The following PICALM variants were observed in gnomAD, a reference collection of about 807,000 sequenced individuals.
The protein encoded by PICALM is phosphatidylinositol-binding clathrin assembly protein.
A neutral mutation model predicts 80.5 loss-of-function variants in PICALM; 40 were observed. The ratio of observed to expected loss-of-function variants is 0.50; its 90% CI spans 0.39 to 0.65. The LOEUF is 0.65. PICALM is among the 30% of genes least tolerant of loss of function. The probability of loss-of-function intolerance (pLI) is 0.00; values close to 1 mark genes in which losing one functional copy is unlikely to be tolerated. For missense variants in PICALM, 676 were observed against 778.9 expected, an observed-to-expected ratio of 0.87 and a Z score of 1.57; for synonymous variants, 288 against 260.3, an observed-to-expected ratio of 1.11 and a Z score of -1.02.
In PICALM at chr11:85,990,382, C is replaced by T; in HGVS notation, c.1276G>A (p.Val426Ile). The T allele has an allele frequency of 2.5e-6, 4 of 1,605,518 alleles. No homozygotes were observed. Among genetic ancestry groups the T allele is most frequent in the Non-Finnish European group, 2.6e-6 (3 of 1,173,534 alleles). ...STWGDPFSAT[V>I]DAVDDAIPSL... ...GGAATGGCATCATCAACAGCATCTA[C>T]AGTAGCAGAGAAAGGATCTGTGCAG... Residue 426 changes from valine to isoleucine, a missense_variant, in exon 13 of 20, where the codon GTA (valine) becomes ATA (isoleucine). Physicochemically the swap from Val to Ile is conservative, Grantham distance 29. This residue lies in a region of PICALM where 391 missense variants were observed against 383.6 expected (regional missense o/e 1.02). Coordinates refer to ENST00000393346, the MANE Select transcript of PICALM (RefSeq NM_007166.4).
chr11:85,988,922 G>A (rs991723153), intron 13 of PICALM, among the ~76,000 whole-genome samples: 7 of 152,188 alleles, frequency 4.6e-5, no homozygotes, highest in African/African-American at 1.4e-4. Flanking sequence ...CAACACTATC[G>A]TGTCCTCTAA....
In PICALM at chr11:85,970,702, G is replaced by T. The variant is rs189110600; in HGVS notation, c.1944+4006C>A. Among the ~76,000 whole-genome samples the T allele has an allele frequency of 9.9e-5, 15 of 152,266 alleles. No individual in the cohort carries two copies. In the East Asian group the frequency reaches 2.3e-3, roughly 24 times the overall value. On this transcript the variant is annotated intron_variant, in intron 19 of 19. Transcript: ENST00000393346. The stretch of plus-strand genomic sequence containing the variant: ...GTGTGCCTGTAATCCCAGCTGCCGG[G>T]GAGGCTGAGGCAGGAGGTTTAACAC...
intron 19 of PICALM, among the ~76,000 whole-genome samples, chr11:85,961,000 C>A (rs945699122): frequency 7.4e-6 from 1 of 135,372 alleles, no homozygotes; most frequent in Non-Finnish European, 1.5e-5. Flanking sequence ...CAAACTCGTG[C>A]TTCTGAAGTT....
At chr11:85,994,699 T>G (rs2094901490) in intron 12 of PICALM, among the ~76,000 whole-genome samples, 3 of 152,252 alleles carry the variant, frequency 2.0e-5, no homozygotes, top group Admixed American at 1.3e-4. Context: ...TGTTATGATC[T>G]AAGCTTCTCA....
intron 18 of PICALM, 50 bp from the exon 19 acceptor site, chr11:85,974,862 G>C: frequency 8.2e-7 from 1 of 1,222,914 alleles, no homozygotes. Flanking sequence ...CTTCCTTATT[G>C]TGACTAAGTA....
At position 85,982,007 on chromosome 11, in the gene PICALM, A is replaced by G. The variant is rs763345570; in HGVS notation, c.1517-4T>C. On this transcript the variant is annotated splice_region_variant and splice_polypyrimidine_tract_variant and intron_variant, in intron 14 of 19. Coordinates refer to ENST00000393346, the MANE Select transcript of PICALM (RefSeq NM_007166.4). ...AGTCCACCTAGTTCATCAAAGCCTT[A>G]AAGTTACAAACAGACGAAATAGAAT... The G allele has an allele frequency of 6.2e-7, 1 of 1,612,956 alleles. No individual in the cohort carries two copies.
chr11:85,988,839 T>C (rs987961689), intron 13 of PICALM, among the ~76,000 whole-genome samples: 1 of 152,224 alleles, frequency 6.6e-6, no homozygotes. Context: ...ATATTCCGTT[T>C]GCATAAATTA....
Position 85,973,227 on chromosome 11 carries a change from C to T in PICALM, c.1944+1481G>A, listed in dbSNP as rs75617639. 5.7e-4 allele frequency among the ~76,000 whole-genome samples: 87 copies of T among 152,262 alleles called. No homozygotes were observed. In the East Asian group the frequency reaches 0.015, roughly 26 times the overall value. Reference sequence around the variant, plus strand: ...CTTAATCAGAACTAAATTCACTACCCACTCTCAGCCAAACAGAGATATCAA... The same window carrying T: ...CTTAATCAGAACTAAATTCACTACCTACTCTCAGCCAAACAGAGATATCAA... On this transcript the variant is annotated intron_variant, in intron 19 of 19. Transcript: ENST00000393346.
chr11:85,981,779 G>A lies in PICALM; in HGVS notation c.1649-4C>T. ...GTTCCATTTCCGATGCCAAGATCTAGGAAAGGAGAAAAACAAAAAAGCATT... is the reference window on the plus strand; with the variant it reads ...GTTCCATTTCCGATGCCAAGATCTAAGAAAGGAGAAAAACAAAAAAGCATT... On this transcript the variant is annotated splice_region_variant and splice_polypyrimidine_tract_variant and intron_variant, in intron 15 of 19. Transcript: ENST00000393346. The A allele has an allele frequency of 6.2e-7, 1 of 1,612,536 alleles. No individual in the cohort carries two copies. Among genetic ancestry groups the A allele is most frequent in the Non-Finnish European group, 8.5e-7 (1 of 1,178,700 alleles).
intron 2 of PICALM, 147 bp from the exon 3 acceptor site, chr11:86,026,514 C>A: frequency 1.7e-6 from 1 of 575,512 alleles, no homozygotes; most frequent in Non-Finnish European, 3.1e-6. Flanking sequence ...TAACTAGTTA[C>A]CAAACCTAAA....
chr11:86,017,503 T>C (rs1048554578), intron 4 of PICALM, among the ~76,000 whole-genome samples: 7 of 152,346 alleles, frequency 4.6e-5, no homozygotes, highest in African/African-American at 1.7e-4. Flanking sequence ...AAAGTTCATT[T>C]GTTGAGTGTT....
chr11:86,044,965 C>T (rs544923952), intron 1 of PICALM, among the ~76,000 whole-genome samples: 1 of 152,248 alleles, frequency 6.6e-6, no homozygotes, highest in South Asian at 2.1e-4. Flanking sequence ...GGTTGGGGAC[C>T]GTTGCTGTAA....
intron 4 of PICALM, among the ~76,000 whole-genome samples, chr11:86,019,634 C>A (rs1373476290): frequency 6.6e-6 from 1 of 152,152 alleles, no homozygotes; most frequent in Non-Finnish European, 1.5e-5. Context: ...TAAAAAAGTT[C>A]TCCACCATAA....
At position 85,957,772 on chromosome 11, in the gene PICALM, C is replaced by T. The variant is rs965355323; in HGVS notation, c.*1274G>A. On this transcript the variant is annotated 3_prime_UTR_variant, in exon 20 of 20. Transcript: ENST00000393346. ...TAAACAAAAATAGAATCTGCAGAGA[C>T]AATGCAACAAGAATGCTTAAACTCA... 1 of 216,798 alleles carries T rather than the reference C, an allele frequency of 4.6e-6. No individual in the cohort carries two copies. The highest frequency in any genetic ancestry group is 9.3e-6 in the Non-Finnish European group (1 of 107,526). The allele number at this position is 216,798 out of a possible 1,614,324, so 13.4% of individuals were successfully genotyped here.
intron 4 of PICALM, among the ~76,000 whole-genome samples, chr11:86,015,840 T>A (rs1368867141): frequency 2.0e-5 from 3 of 152,224 alleles, no homozygotes; most frequent in Non-Finnish European, 4.4e-5. Context: ...CCTATACTTA[T>A]AAATGGCTGT....
chr11:86,050,706 TGG>T (rs1454929153), intron 1 of PICALM, among the ~76,000 whole-genome samples: 9 of 152,184 alleles, frequency 5.9e-5, no homozygotes, highest in Admixed American at 5.9e-4. Context: ...AGAACATAAA[TGG>T]TGATGGATTA....
At chr11:85,991,653 C>T (rs1211975492) in intron 12 of PICALM, among the ~76,000 whole-genome samples, 1 of 150,714 alleles carries the variant, frequency 6.6e-6, no homozygotes, top group Non-Finnish European at 1.5e-5. Context: ...TCTTATGGAA[C>T]ATCAATTCAC....
intron 12 of PICALM, among the ~76,000 whole-genome samples, chr11:85,996,011 T>C (rs540422): frequency 0.62 from 94,183 of 152,006 alleles, 29,529 homozygotes; most frequent in African/African-American, 0.7. Context: ...CTATCTGCTC[T>C]GTGCCCCACC....
intron 18 of PICALM, 134 bp downstream of exon 18, chr11:85,976,489 T>G (rs1052216241): frequency 1.7e-6 from 1 of 582,926 alleles, no homozygotes; most frequent in African/African-American, 1.9e-5. Flanking sequence ...ACCAATGCTA[T>G]GGTTCTACTG....
Sources: gnomAD v4.1 joint callset for allele counts (sites outside exome capture counted in the v4.1 genomes callset) on GRCh38, gnomAD v4.1.1 for gene constraint, gnomAD v4.1.1 regional missense constraint, MANE v1.5 for transcripts, NCBI Gene and HGNC (gene_info 2026-07-23, HGNC 2026-07-21) for gene names.